GRXCR1: variants seen among roughly 807,000 people sequenced by gnomAD.
The protein encoded by GRXCR1 is glutaredoxin domain-containing cysteine-rich protein 1.
GRXCR1 carries 27 observed loss-of-function variants against 27.3 expected under a neutral mutation model. The observed-to-expected ratio is 0.99, with a 90% CI of 0.73 to 1.37. GRXCR1 has a LOEUF of 1.37. Among genes scored for constraint, GRXCR1 ranks in the 40% most tolerant of loss-of-function variants. The pLI is 0.00. For missense variants in GRXCR1, 379 were observed against 354.4 expected (o/e 1.07, Z -0.56); for synonymous variants, 122 against 131.1 (o/e 0.93, Z 0.47).
At chr4:42,942,734 T>C (rs1046737539) in intron 1 of GRXCR1, among the ~76,000 whole-genome samples, 46 of 152,226 alleles carry the variant, frequency 3.0e-4, no homozygotes, top group South Asian at 8.3e-4. Flanking sequence ...TTGACCACAT[T>C]TTGTAAAAGC....
At chr4:42,928,935 A>G (rs967086389) in intron 1 of GRXCR1, among the ~76,000 whole-genome samples, 6 of 152,034 alleles carry the variant, frequency 3.9e-5, no homozygotes, top group African/African-American at 1.2e-4. Flanking sequence ...TAGCCTAGCC[A>G]TGGAAGGGCA....
chr4:42,936,184 T>C (rs1025755147), intron 1 of GRXCR1, among the ~76,000 whole-genome samples: 1 of 151,766 alleles, frequency 6.6e-6, no homozygotes, highest in Non-Finnish European at 1.5e-5. Context: ...TATTAGAAAA[T>C]GAGATGGTCA....
chr4:42,919,613 G>T (rs1356941279), intron 1 of GRXCR1, among the ~76,000 whole-genome samples: 1 of 152,050 alleles, frequency 6.6e-6, no homozygotes, highest in Non-Finnish European at 1.5e-5. Context: ...AAATACATTT[G>T]GATGATACAA....
At chr4:42,964,066 G>A (rs1748186180) in intron 2 of GRXCR1, among the ~76,000 whole-genome samples, 1 of 151,980 alleles carries the variant, frequency 6.6e-6, no homozygotes. Flanking sequence ...TAGAGAAGCT[G>A]TGATTCAATA....
intron 2 of GRXCR1, among the ~76,000 whole-genome samples, chr4:43,005,498 T>A (rs1462359948): frequency 6.6e-6 from 1 of 152,208 alleles, no homozygotes; most frequent in African/African-American, 2.4e-5. Context: ...TTTTTCCCAA[T>A]GTTGGATCAG....
At chr4:42,896,411 G>A (rs1746347066) in intron 1 of GRXCR1, among the ~76,000 whole-genome samples, 1 of 148,104 alleles carries the variant, frequency 6.8e-6, no homozygotes, top group South Asian at 2.1e-4. Context: ...GGTTGTTAAA[G>A]GTAGTGATGA....
chr4:42,997,567 CGAGTCTTGATTGCAAAT>C (rs1712214807), intron 2 of GRXCR1, among the ~76,000 whole-genome samples: 1 of 152,150 alleles, frequency 6.6e-6, no homozygotes, highest in East Asian at 1.9e-4. Flanking sequence ...TGCTCAAGAA[CGAGTCTTGATTGCAAAT>C]GAGTCTTGAA....
intron 1 of GRXCR1, among the ~76,000 whole-genome samples, chr4:42,906,756 G>A (rs1007899766): frequency 6.6e-6 from 1 of 152,104 alleles, no homozygotes; most frequent in African/African-American, 2.4e-5. Context: ...TATCGCAGGT[G>A]CCTCTCTTAT....
At chr4:42,929,362 A>T (rs1426480675) in intron 1 of GRXCR1, among the ~76,000 whole-genome samples, 2 of 152,060 alleles carry the variant, frequency 1.3e-5, no homozygotes, top group African/African-American at 4.8e-5. Flanking sequence ...GAAGTCTTGA[A>T]AGAAAAGATC....
chr4:42,939,256 T>C (rs1398262845), intron 1 of GRXCR1, among the ~76,000 whole-genome samples: 2 of 152,116 alleles, frequency 1.3e-5, no homozygotes, highest in Non-Finnish European at 2.9e-5. Context: ...TTTTATTTTA[T>C]TTGTAGCTAT....
intron 2 of GRXCR1, among the ~76,000 whole-genome samples, chr4:42,995,566 T>G (rs1712127730): frequency 6.6e-6 from 1 of 152,154 alleles, no homozygotes; most frequent in Non-Finnish European, 1.5e-5. Flanking sequence ...TGCAGGAGAT[T>G]ATACCTACAG....
At chr4:42,898,125 A>G (rs1196235034) in intron 1 of GRXCR1, among the ~76,000 whole-genome samples, 1 of 152,004 alleles carries the variant, frequency 6.6e-6, no homozygotes, top group East Asian at 1.9e-4. Flanking sequence ...TGTCATGATA[A>G]CAAACATGAA....
chr4:43,029,099 T>C (rs1340097853), intron 3 of GRXCR1, among the ~76,000 whole-genome samples: 2 of 152,204 alleles, frequency 1.3e-5, no homozygotes, highest in Admixed American at 1.3e-4. Flanking sequence ...TAGATCCTAA[T>C]GTTTGAATAC....
intron 1 of GRXCR1, among the ~76,000 whole-genome samples, chr4:42,916,326 C>T (rs543447184): frequency 2.0e-5 from 3 of 152,128 alleles, no homozygotes; most frequent in African/African-American, 7.2e-5. Context: ...AGTTTTCAGG[C>T]ACAAAGAGGA....
intron 1 of GRXCR1, among the ~76,000 whole-genome samples, chr4:42,959,170 C>T (rs1286993810): frequency 1.3e-5 from 2 of 151,810 alleles, no homozygotes; most frequent in Admixed American, 1.3e-4. Flanking sequence ...ATAGGTACAA[C>T]CTAAGTATCC....
intron 1 of GRXCR1, among the ~76,000 whole-genome samples, chr4:42,904,648 G>T (rs529783511): frequency 6.6e-6 from 1 of 152,074 alleles, no homozygotes; most frequent in Non-Finnish European, 1.5e-5. Context: ...GAGTTATTGT[G>T]TATAAAGCAT....
intron 1 of GRXCR1, among the ~76,000 whole-genome samples, chr4:42,915,201 A>G (rs938908818): frequency 1.3e-5 from 2 of 152,122 alleles, no homozygotes; most frequent in African/African-American, 4.8e-5. Context: ...AAACCTTGCT[A>G]ACTTGCACCC....
intron 1 of GRXCR1, among the ~76,000 whole-genome samples, chr4:42,895,071 A>G (rs1746317229): frequency 6.6e-6 from 1 of 152,092 alleles, no homozygotes; most frequent in Non-Finnish European, 1.5e-5. Context: ...TTTATTGTTT[A>G]TGAGTAAATA....
At chr4:43,020,636 A>C (rs1713064448) in intron 3 of GRXCR1, among the ~76,000 whole-genome samples, 1 of 152,148 alleles carries the variant, frequency 6.6e-6, no homozygotes, top group Non-Finnish European at 1.5e-5. Context: ...CTATTAGGTG[A>C]GTGTTATGGT....
Sources: gnomAD v4.1 joint callset for allele counts (sites outside exome capture counted in the v4.1 genomes callset) on GRCh38, gnomAD v4.1.1 for gene constraint, MANE v1.5 for transcripts, NCBI Gene and HGNC (gene_info 2026-07-23, HGNC 2026-07-21) for gene names.